Variants in DNAJC13 observed in about 807,000 individuals in gnomAD.
The protein encoded by DNAJC13 is dnaJ homolog subfamily C member 13.
DNAJC13 carries 75 observed loss-of-function variants against 290.5 expected under a neutral mutation model. The observed-to-expected ratio is 0.26, with a 90% CI of 0.21 to 0.31. The LOEUF is 0.31. DNAJC13 is among the 10% of genes least tolerant of loss of function. The pLI is 1.00. For missense variants in DNAJC13, 2,260 were observed against 2,674.5 expected (o/e 0.85, Z 3.42); for synonymous variants, 862 against 892.0 (o/e 0.97, Z 0.60).
At chr3:132,432,728 ATAC>A (rs1430479413) in intron 1 of DNAJC13, among the ~76,000 whole-genome samples, 1 of 152,342 alleles carries the variant, frequency 6.6e-6, no homozygotes, top group South Asian at 2.1e-4. Context: ...TGGATTTTAT[ATAC>A]TAAGTTACAG....
At chr3:132,515,698 G>C (rs1453977402) in intron 46 of DNAJC13, among the ~76,000 whole-genome samples, 1 of 152,118 alleles carries the variant, frequency 6.6e-6, no homozygotes, top group Non-Finnish European at 1.5e-5. Context: ...GTCTTACAGG[G>C]AAAATAGCTG....
chr3:132,471,587 G>A (rs1934261319), intron 20 of DNAJC13, among the ~76,000 whole-genome samples: 2 of 139,292 alleles, frequency 1.4e-5, no homozygotes, highest in Non-Finnish European at 3.1e-5. Context: ...CCGGGCAGAG[G>A]CACTCCTCAC....
At chr3:132,487,871 T>G (rs1054914237) in intron 29 of DNAJC13, among the ~76,000 whole-genome samples, 1 of 152,164 alleles carries the variant, frequency 6.6e-6, no homozygotes, top group African/African-American at 2.4e-5. Context: ...CCTGCACTTC[T>G]GGATCTACCT....
chr3:132,530,453 T>G (rs1936385375), intron 54 of DNAJC13, among the ~76,000 whole-genome samples: 1 of 152,252 alleles, frequency 6.6e-6, no homozygotes, highest in South Asian at 2.1e-4. Context: ...CATATATGTG[T>G]ATGTATTTCA....
chr3:132,479,689 A>G (rs1934602613), intron 25 of DNAJC13, among the ~76,000 whole-genome samples: 1 of 152,162 alleles, frequency 6.6e-6, no homozygotes, highest in Non-Finnish European at 1.5e-5. Flanking sequence ...AGTAATTGGA[A>G]GTTATAAGAT....
chr3:132,496,778 A>T lies in DNAJC13; in HGVS notation c.4156+115A>T, dbSNP rs1346194210. The T allele has an allele frequency of 5.0e-6, 5 of 1,004,154 alleles. No homozygotes were observed. In the Admixed American group the frequency reaches 1.7e-4, roughly 33 times the overall value. 62.2% of individuals were successfully genotyped at this position (1,004,154 alleles called of 1,614,324 possible). A position where few individuals can be genotyped will look rare whatever the true frequency, so the allele number is the denominator to read the frequency against. On this transcript the variant is annotated intron_variant, in intron 36 of 55. Coordinates refer to ENST00000260818, the MANE Select transcript of DNAJC13 (RefSeq NM_015268.4). ...TTTAATAGATTTAGAATTATTGTTT[A>T]AAAGATTCTTGGAATTATGTTTTAA...
intron 6 of DNAJC13, 130 bp downstream of exon 6, chr3:132,450,977 T>A: frequency 1.8e-6 from 1 of 546,388 alleles, no homozygotes; most frequent in Non-Finnish European, 3.2e-6. Context: ...AGTCCAGGTT[T>A]TGGTATCAAA....
chr3:132,522,572 T>C (rs1290486443), intron 48 of DNAJC13, among the ~76,000 whole-genome samples: 4 of 152,100 alleles, frequency 2.6e-5, no homozygotes, highest in African/African-American at 9.7e-5. Flanking sequence ...ATGAAACTTT[T>C]TTGGTCACCA....
At chr3:132,466,957 C>T (rs1458488227) in intron 19 of DNAJC13, among the ~76,000 whole-genome samples, 1 of 152,148 alleles carries the variant, frequency 6.6e-6, no homozygotes, top group Non-Finnish European at 1.5e-5. Flanking sequence ...TTGCATCTTG[C>T]CACCCCTCAT....
At chr3:132,516,864 G>C in intron 48 of DNAJC13, 48 bp downstream of exon 48, 2 of 1,416,550 alleles carry the variant, frequency 1.4e-6, no homozygotes, top group East Asian at 4.7e-5. Context: ...TTAAAGCATT[G>C]TTACTTTGAT....
intron 29 of DNAJC13, 112 bp downstream of exon 29, chr3:132,484,784 A>G: frequency 1.0e-6 from 1 of 990,064 alleles, no homozygotes; most frequent in East Asian, 2.5e-5. Flanking sequence ...AAAAGCCTAA[A>G]TAGGCCAGGT....
chr3:132,426,599 TTACTG>T (rs1939097460), intron 1 of DNAJC13, among the ~76,000 whole-genome samples: 1 of 152,024 alleles, frequency 6.6e-6, no homozygotes, highest in Non-Finnish European at 1.5e-5. Flanking sequence ...TATTTGACTG[TTACTG>T]ATATTACCTG....
At chr3:132,482,074 C>T in intron 26 of DNAJC13, 152 bp from the exon 27 acceptor site, 3 of 545,774 alleles carry the variant, frequency 5.5e-6, no homozygotes, top group African/African-American at 1.9e-5. Flanking sequence ...GTCCTAAACT[C>T]TTAAATCTTA....
intron 28 of DNAJC13, 76 bp from the exon 29 acceptor site, chr3:132,484,512 A>G (rs1035001288): frequency 3.8e-6 from 5 of 1,323,218 alleles, no homozygotes; most frequent in African/African-American, 1.4e-5. Flanking sequence ...CTTCATGCCT[A>G]GTAGAATGTC....
intron 55 of DNAJC13, among the ~76,000 whole-genome samples, chr3:132,535,287 T>C (rs748629702): frequency 3.3e-5 from 5 of 152,224 alleles, no homozygotes; most frequent in Non-Finnish European, 7.3e-5. Flanking sequence ...GTAAAAATTT[T>C]AAAGTCCTAG....
chr3:132,422,617 G>A (rs1408654411), intron 1 of DNAJC13, among the ~76,000 whole-genome samples: 1 of 152,160 alleles, frequency 6.6e-6, no homozygotes, highest in African/African-American at 2.4e-5. Flanking sequence ...GAACTCCTTT[G>A]AGAGTAACTG....
chr3:132,516,302 T>G (rs2107737006), intron 46 of DNAJC13, 120 bp from the exon 47 acceptor site: 1 of 887,660 alleles, frequency 1.1e-6, no homozygotes, highest in East Asian at 2.5e-5. Flanking sequence ...CTGGTTATTA[T>G]GAGGATTAAA....
At chr3:132,505,195 T>C (rs1935545730) in intron 41 of DNAJC13, 107 bp from the exon 42 acceptor site, 2 of 676,682 alleles carry the variant, frequency 3.0e-6, no homozygotes, top group Non-Finnish European at 5.2e-6. Context: ...TCCATTATAC[T>C]ATAGGCAACT....
intron 51 of DNAJC13, among the ~76,000 whole-genome samples, chr3:132,525,295 G>A (rs1214282974): frequency 3.9e-5 from 6 of 152,124 alleles, no homozygotes; most frequent in African/African-American, 1.2e-4. Context: ...AGCCGAGATC[G>A]CGCCATTGCA....
Sources: allele counts gnomAD v4.1 joint callset (sites outside exome capture counted in the v4.1 genomes callset), GRCh38; gene constraint gnomAD v4.1.1; transcripts MANE v1.5; gene names NCBI Gene and HGNC (gene_info 2026-07-23, HGNC 2026-07-21).